PTPRD: variants seen among roughly 807,000 people sequenced by gnomAD.
The protein encoded by PTPRD is protein tyrosine phosphatase receptor type D.
PTPRD carries 34 observed loss-of-function variants against 214.5 expected under a neutral mutation model. That is an observed-to-expected ratio of 0.16 (90% CI 0.12 to 0.21). PTPRD has a LOEUF of 0.21. Ranked by LOEUF, PTPRD falls within the 10% of genes least tolerant of loss-of-function variation. The pLI is 1.00. For synonymous variants in PTPRD, 1,128 were observed against 845.7 expected (o/e 1.33, Z -5.79); for missense variants, 2,545 against 2,398.7 (o/e 1.06, Z -1.27).
intron 12 of PTPRD, among the ~76,000 whole-genome samples, chr9:8,727,331 A>C (rs533996305): frequency 1.1e-4 from 16 of 152,232 alleles, no homozygotes; most frequent in Non-Finnish European, 2.1e-4. Flanking sequence ...GCTGGGAGCA[A>C]TTAATTCAAA....
At chr9:9,325,267 A>T (rs184715467) in intron 9 of PTPRD, among the ~76,000 whole-genome samples, 2 of 152,156 alleles carry the variant, frequency 1.3e-5, no homozygotes, top group African/African-American at 2.4e-5. Context: ...CATTGAATGT[A>T]TAAATTACCT....
chr9:9,882,999 A>G (rs981354256), intron 5 of PTPRD, among the ~76,000 whole-genome samples: 5 of 152,114 alleles, frequency 3.3e-5, no homozygotes, highest in African/African-American at 1.2e-4. Flanking sequence ...GCATTCTGCC[A>G]TGATTGTAAG....
At chr9:10,032,324 C>G (rs1321043568) in intron 4 of PTPRD, among the ~76,000 whole-genome samples, 1 of 152,134 alleles carries the variant, frequency 6.6e-6, no homozygotes, top group Non-Finnish European at 1.5e-5. Flanking sequence ...TTATCCATGA[C>G]TAAGGGATTC....
At chr9:9,621,465 G>A (rs913128698) in intron 7 of PTPRD, among the ~76,000 whole-genome samples, 17 of 152,076 alleles carry the variant, frequency 1.1e-4, no homozygotes, top group African/African-American at 4.1e-4. Context: ...AATACATGCA[G>A]AACAATGGAG....
At chr9:8,930,220 T>C (rs2098942602) in intron 11 of PTPRD, among the ~76,000 whole-genome samples, 1 of 151,916 alleles carries the variant, frequency 6.6e-6, no homozygotes, top group South Asian at 2.1e-4. Flanking sequence ...GTTTGGTTTT[T>C]TTGTCCTTGC....
At chr9:8,662,775 G>C (rs1020308309) in intron 12 of PTPRD, among the ~76,000 whole-genome samples, 1 of 152,026 alleles carries the variant, frequency 6.6e-6, no homozygotes, top group Admixed American at 6.5e-5. Flanking sequence ...TACTAAAATG[G>C]ATATTTTTTT....
chr9:8,373,864 GTCTA>G (rs368216657), intron 39 of PTPRD, among the ~76,000 whole-genome samples: 5,055 of 106,754 alleles, frequency 0.047, 114 homozygotes, highest in Non-Finnish European at 0.054. Context: ...GTGTCTGTCT[GTCTA>G]TCTATCTATC....
At chr9:10,384,556 G>T (rs181248991) in intron 2 of PTPRD, among the ~76,000 whole-genome samples, 4 of 151,714 alleles carry the variant, frequency 2.6e-5, no homozygotes, top group African/African-American at 9.6e-5. Context: ...AATTAAAAAG[G>T]TAGGAATGAT....
intron 3 of PTPRD, among the ~76,000 whole-genome samples, chr9:10,222,214 C>G (rs1216750321): frequency 1.3e-5 from 2 of 152,040 alleles, no homozygotes; most frequent in African/African-American, 4.8e-5. Flanking sequence ...TCTGTGACAA[C>G]TTTTCCTGCT....
At chr9:9,403,515 G>T (rs1248757117) in intron 8 of PTPRD, among the ~76,000 whole-genome samples, 1 of 151,076 alleles carries the variant, frequency 6.6e-6, no homozygotes, top group African/African-American at 2.4e-5. Context: ...ACACCTCCAT[G>T]CACTTCTATA....
chr9:9,004,738 A>C (rs2154357614), intron 11 of PTPRD, among the ~76,000 whole-genome samples: 1 of 152,210 alleles, frequency 6.6e-6, no homozygotes, highest in South Asian at 2.1e-4. Context: ...ACTGAAAATC[A>C]AACCTCCCCT....
chr9:9,560,931 G>A (rs188638877), intron 8 of PTPRD, among the ~76,000 whole-genome samples: 7 of 152,008 alleles, frequency 4.6e-5, no homozygotes, highest in African/African-American at 7.2e-5. Flanking sequence ...CGAGCAAGCC[G>A]AGCTGTGTCC....
At chr9:8,404,789 T>C in intron 35 of PTPRD, 129 bp from the exon 36 acceptor site, 1 of 1,179,350 alleles carries the variant, frequency 8.5e-7, no homozygotes, top group Non-Finnish European at 1.1e-6. Context: ...AAGATGATCC[T>C]AACTGTGAAG....
At chr9:8,980,165 A>T (rs1773389241) in intron 11 of PTPRD, among the ~76,000 whole-genome samples, 2 of 152,116 alleles carry the variant, frequency 1.3e-5, no homozygotes, top group South Asian at 4.1e-4. Context: ...ACATATGTGA[A>T]TTTTTTTAAA....
chr9:9,791,785 G>C lies in PTPRD; in HGVS notation c.-367-24934C>G, dbSNP rs544779240. On this transcript the variant is annotated intron_variant, in intron 5 of 45. Transcript: ENST00000381196. ...AAATAGTATACTATTTACAAAAATC[G>C]AGAAATCATTTTTTGCTTATGGGAA... is the stretch of plus-strand genomic sequence containing the variant. Among the ~76,000 whole-genome samples, 3 of 152,140 alleles carry C rather than the reference G, an allele frequency of 2.0e-5. No individual in the cohort carries two copies. In the East Asian group the frequency reaches 5.8e-4, roughly 29 times the overall value.
intron 11 of PTPRD, among the ~76,000 whole-genome samples, chr9:8,950,795 G>A (rs1033493813): frequency 7.3e-5 from 11 of 151,658 alleles, no homozygotes; most frequent in African/African-American, 2.7e-4. Context: ...ACTAAGGCCA[G>A]AGAGGTTAGT....
At chr9:8,890,180 T>C (rs2098526794) in intron 11 of PTPRD, among the ~76,000 whole-genome samples, 1 of 152,184 alleles carries the variant, frequency 6.6e-6, no homozygotes, top group Admixed American at 6.5e-5. Flanking sequence ...TATAAATATC[T>C]AACTTGGCAT....
chr9:9,881,997 C>G (rs2068877034), intron 5 of PTPRD, among the ~76,000 whole-genome samples: 1 of 151,986 alleles, frequency 6.6e-6, no homozygotes, highest in Non-Finnish European at 1.5e-5. Context: ...TCTCAATTTC[C>G]ACCATGGATT....
chr9:9,839,834 A>G (rs902510439), intron 5 of PTPRD, among the ~76,000 whole-genome samples: 7 of 152,060 alleles, frequency 4.6e-5, no homozygotes, highest in Non-Finnish European at 8.8e-5. Context: ...TCGATCTCTA[A>G]TCTCCCCAAT....
Sources: allele counts gnomAD v4.1 joint callset (sites outside exome capture counted in the v4.1 genomes callset), GRCh38; gene constraint gnomAD v4.1.1; transcripts MANE v1.5; gene names NCBI Gene and HGNC (gene_info 2026-07-23, HGNC 2026-07-21).